The following INPP4B variants were observed in gnomAD, a reference collection of about 807,000 sequenced individuals.
INPP4B encodes the protein inositol polyphosphate-4-phosphatase type II B, also known as inositol polyphosphate 4-phosphatase type II.
Under a neutral mutation model 122.5 loss-of-function variants are expected in INPP4B, and 55 were observed. That is an observed-to-expected ratio of 0.45 (90% confidence interval 0.36 to 0.56). The LOEUF (loss-of-function observed/expected upper bound fraction) is 0.56, where lower values mean the gene tolerates loss of function less well. INPP4B is among the 20% of genes least tolerant of loss of function. The pLI, the probability that INPP4B is intolerant of heterozygous loss-of-function variation, is 0.00. For missense variants in INPP4B, 1,000 were observed against 1,097.7 expected, an observed-to-expected ratio of 0.91 and a Z score of 1.26; for synonymous variants, 403 against 388.7, an observed-to-expected ratio of 1.04 and a Z score of -0.43.
At chr4:142,756,024 C>T (rs1770466143) in intron 1 of INPP4B, among the ~76,000 whole-genome samples, 1 of 151,994 alleles carries the variant, frequency 6.6e-6, no homozygotes, top group Non-Finnish European at 1.5e-5. Context: ...CAGCCCTCGA[C>T]CCTGGAGGGG....
intron 2 of INPP4B, among the ~76,000 whole-genome samples, chr4:142,679,672 A>C (rs1758317196): frequency 6.6e-6 from 1 of 151,648 alleles, no homozygotes; most frequent in Non-Finnish European, 1.5e-5. Context: ...AACACCTCAA[A>C]CCCATACATA....
chr4:142,665,493 C>CAAAAAAAAA (rs11417876), intron 2 of INPP4B, among the ~76,000 whole-genome samples: 1 of 107,622 alleles, frequency 9.3e-6, no homozygotes, highest in Non-Finnish European at 1.8e-5. Context: ...GACTCTGTCT[C>CAAAAAAAAA]AAAAAAAAAA....
intron 2 of INPP4B, among the ~76,000 whole-genome samples, chr4:142,718,978 T>C (rs1374716873): frequency 6.6e-6 from 1 of 152,200 alleles, no homozygotes; most frequent in Non-Finnish European, 1.5e-5. Flanking sequence ...ATCTTAAACA[T>C]GATAAAGATG....
chr4:142,480,877 T>TA (rs1820422577), intron 2 of INPP4B, among the ~76,000 whole-genome samples: 1 of 152,034 alleles, frequency 6.6e-6, no homozygotes, highest in African/African-American at 2.4e-5. Context: ...ACAAAAGTCA[T>TA]ATAGAAAAGG....
chr4:142,746,479 A>G (rs1768772057), intron 1 of INPP4B, among the ~76,000 whole-genome samples: 1 of 152,198 alleles, frequency 6.6e-6, no homozygotes, highest in Non-Finnish European at 1.5e-5. Flanking sequence ...TACTATTCCC[A>G]TCAAGCTACC....
chr4:142,666,502 AT>A (rs1270123273), intron 2 of INPP4B, among the ~76,000 whole-genome samples: 2 of 152,066 alleles, frequency 1.3e-5, no homozygotes, highest in African/African-American at 4.8e-5. Context: ...ATAAAATCAG[AT>A]TTTTTCTTAA....
intron 1 of INPP4B, among the ~76,000 whole-genome samples, chr4:142,794,877 T>C (rs1040903818): frequency 6.6e-6 from 1 of 151,998 alleles, no homozygotes; most frequent in Non-Finnish European, 1.5e-5. Context: ...ATTCATACAC[T>C]GTAAGCTAAC....
intron 2 of INPP4B, among the ~76,000 whole-genome samples, chr4:142,644,740 TAAAA>T (rs55700762): frequency 7.0e-5 from 5 of 71,064 alleles, no homozygotes; most frequent in South Asian, 1.1e-3. Context: ...CATCTCTACT[TAAAA>T]AAAAAAAAAA....
intron 18 of INPP4B, among the ~76,000 whole-genome samples, chr4:142,127,519 T>C (rs527631654): frequency 6.6e-6 from 1 of 151,660 alleles, no homozygotes; most frequent in South Asian, 2.1e-4. Flanking sequence ...AGATTGGAAG[T>C]GGAAACCCAG....
Position 142,270,662 on chromosome 4 carries a change from C to T in INPP4B, c.615+1G>A, listed in dbSNP as rs2150565501. 1 of 1,575,184 alleles carries T rather than the reference C, an allele frequency of 6.3e-7. No homozygotes were observed. On this transcript the variant is annotated splice_donor_variant, in intron 10 of 25. Coordinates refer to ENST00000262992, the MANE Select transcript of INPP4B (RefSeq NM_001101669.3). LOFTEE classifies it high-confidence loss of function. ...GTACAATGAGCAGACTGAGATCCTA[C>T]CTTTTGTCCCTGTACATCTGTGGTG...
Position 142,582,364 on chromosome 4 carries a change from C to T in INPP4B, c.-190-119638G>A, listed in dbSNP as rs932089522. 1.8e-4 allele frequency among the ~76,000 whole-genome samples: 27 copies of T among 152,076 alleles called. 1 individual carries two copies. Among genetic ancestry groups the T allele is most frequent in the Admixed American group, 1.5e-3 (23 of 15,250 alleles). ...AATATATAAGAGAAAGGAGCATAGG[C>T]AGTTTTATTTTTCCTCTACCTAGGT... On this transcript the variant is annotated intron_variant, in intron 2 of 25. Coordinates refer to ENST00000262992, the MANE Select transcript of INPP4B (RefSeq NM_001101669.3).
Position 142,642,364 on chromosome 4 carries a change from T to A in INPP4B, c.-191+83475A>T, listed in dbSNP as rs1445633603. 2.6e-5 allele frequency among the ~76,000 whole-genome samples: 4 copies of A among 152,228 alleles called. No homozygotes were observed. In the South Asian group the frequency reaches 8.3e-4, roughly 32 times the overall value. On this transcript the variant is annotated intron_variant, in intron 2 of 25. Transcript: ENST00000262992. The stretch of plus-strand genomic sequence containing the variant: ...GCACATGCCTATGTCCTGAATGGTA[T>A]TGCCTAGGTTTTCTTCTAGGGTTTT...
chr4:142,712,000 A>G (rs1763179367), intron 2 of INPP4B, among the ~76,000 whole-genome samples: 1 of 152,170 alleles, frequency 6.6e-6, no homozygotes, highest in South Asian at 2.1e-4. Context: ...GTGAGCTGAG[A>G]TTGTGCCACT....
chr4:142,079,524 G>T (rs1772722476), intron 25 of INPP4B, among the ~76,000 whole-genome samples: 2 of 152,036 alleles, frequency 1.3e-5, no homozygotes, highest in Non-Finnish European at 2.9e-5. Flanking sequence ...AGTAACTTGA[G>T]AAATGTTTAT....
chr4:142,833,643 T>A (rs1782434344), intron 1 of INPP4B, among the ~76,000 whole-genome samples: 3 of 151,954 alleles, frequency 2.0e-5, no homozygotes, highest in Admixed American at 2.0e-4. Flanking sequence ...TTTTTTTTTT[T>A]AAAGACAGGG....
intron 5 of INPP4B, among the ~76,000 whole-genome samples, chr4:142,420,367 T>C (rs1806613114): frequency 6.6e-6 from 1 of 152,128 alleles, no homozygotes; most frequent in Non-Finnish European, 1.5e-5. Context: ...ATACTTCTCA[T>C]TTATTAATTG....
At chr4:142,188,486 C>CAAAAAAA (rs869298815) in intron 15 of INPP4B, among the ~76,000 whole-genome samples, 1 of 9,492 alleles carries the variant, frequency 1.1e-4, no homozygotes, top group East Asian at 2.9e-3. Flanking sequence ...GACTCCATCT[C>CAAAAAAA]AAAAAAAAAA....
At chr4:142,632,647 A>T (rs757975838) in intron 2 of INPP4B, among the ~76,000 whole-genome samples, 1 of 152,108 alleles carries the variant, frequency 6.6e-6, no homozygotes, top group African/African-American at 2.4e-5. Flanking sequence ...GATTAAATAT[A>T]TAAAAAGAAT....
intron 3 of INPP4B, among the ~76,000 whole-genome samples, chr4:142,457,928 C>A (rs184526028): frequency 2.0e-4 from 31 of 152,278 alleles, no homozygotes; most frequent in African/African-American, 7.0e-4. Flanking sequence ...ATTAAATACA[C>A]ACCTACAGTA....
Sources: gnomAD v4.1 joint callset for allele counts (sites outside exome capture counted in the v4.1 genomes callset) on GRCh38, gnomAD v4.1.1 for gene constraint, MANE v1.5 for transcripts, NCBI Gene and HGNC (gene_info 2026-07-23, HGNC 2026-07-21) for gene names.